Variants in PCDHGC5 observed in about 807,000 individuals in gnomAD.
PCDHGC5 encodes the protein protocadherin gamma subfamily C, 5, also known as protocadherin gamma-C5.
Under a neutral mutation model 59.0 loss-of-function variants are expected in PCDHGC5, and 25 were observed. That is an observed-to-expected ratio of 0.42 (90% CI 0.31 to 0.59). The LOEUF (loss-of-function observed/expected upper bound fraction) is 0.59, where lower values mean the gene tolerates loss of function less well. Among genes scored for constraint, PCDHGC5 ranks in the 20% least tolerant of loss-of-function variants. The probability of loss-of-function intolerance (pLI) is 0.13; values close to 1 mark genes in which losing one functional copy is unlikely to be tolerated. For missense variants in PCDHGC5, 1,067 were observed against 1,206.4 expected (o/e 0.88, Z 1.71); for synonymous variants, 434 against 505.5 (o/e 0.86, Z 1.90).
chr5:141,494,705 G>C, intron 1 of PCDHGC5, 102 bp from the exon 2 acceptor site: 1 of 1,597,990 alleles, frequency 6.3e-7, no homozygotes, highest in Non-Finnish European at 8.6e-7. Flanking sequence ...TTTCTTCTCT[G>C]TGCCCACTCC....
intron 1 of PCDHGC5, among the ~76,000 whole-genome samples, chr5:141,492,798 C>T (rs1219815576): frequency 6.6e-6 from 1 of 152,250 alleles, no homozygotes; most frequent in Non-Finnish European, 1.5e-5. Flanking sequence ...GACAGCAGGA[C>T]TGGGACTCCA....
chr5:141,494,778 C>CA, intron 1 of PCDHGC5, 29 bp from the exon 2 acceptor site: 1 of 1,614,086 alleles, frequency 6.2e-7, no homozygotes, highest in Non-Finnish European at 8.5e-7. Context: ...CACGGGTACT[C>CA]AGCCCCTTTC....
At chr5:141,510,321 CA>C (rs1376271166) in intron 3 of PCDHGC5, among the ~76,000 whole-genome samples, 1 of 150,840 alleles carries the variant, frequency 6.6e-6, no homozygotes, top group Non-Finnish European at 1.5e-5. Context: ...CTTGGAAGAG[CA>C]CTCTTCACCC....
intron 1 of PCDHGC5, 134 bp from the exon 2 acceptor site, chr5:141,494,673 C>G: frequency 4.5e-6 from 7 of 1,542,992 alleles, no homozygotes; most frequent in Non-Finnish European, 6.1e-6. Flanking sequence ...GATGAGTCCA[C>G]CCCTGCCCCC....
chr5:141,505,628 A>C, intron 3 of PCDHGC5, 147 bp downstream of exon 3: 1 of 1,481,752 alleles, frequency 6.7e-7, no homozygotes, highest in Non-Finnish European at 9.0e-7. Flanking sequence ...ACAATTCCAA[A>C]CATAAAGCCT....
chr5:141,490,882 A>G lies in PCDHGC5; in HGVS notation c.1642A>G (p.Thr548Ala), dbSNP rs758716907. ...CGGCTCTCCCCCATTGCATGCCAAC[A>G]CATCTCTGCATGTGTTTGTCCTAGA... ...DSGSPPLHAN[T>A]SLHVFVLDEN... The change falls in exon 1 of 4, where the codon ACA becomes GCA. Residue 548 changes from threonine (T) to alanine (A), a missense_variant. By Grantham distance (58) the Thr-to-Ala change is moderately conservative (BLOSUM62 0). Coordinates refer to ENST00000252087, the MANE Select transcript of PCDHGC5 (RefSeq NM_018929.3). This position sits in a 1 kb window ranked among gnomAD's most constrained non-coding sequence, Gnocchi z 5.4. 6.2e-7 allele frequency: 1 copy of G among 1,613,848 alleles called. No individual in the cohort carries two copies. Among genetic ancestry groups the G allele is most frequent in the Non-Finnish European group, 8.5e-7 (1 of 1,179,920 alleles).
intron 2 of PCDHGC5, among the ~76,000 whole-genome samples, chr5:141,497,126 C>T (rs565697662): frequency 8.2e-4 from 125 of 151,844 alleles, no homozygotes; most frequent in African/African-American, 3.0e-3. Flanking sequence ...GCAGAGGTTG[C>T]AGTGAGCTGA....
At chr5:141,496,329 C>T (rs1435070517) in intron 2 of PCDHGC5, among the ~76,000 whole-genome samples, 2 of 152,186 alleles carry the variant, frequency 1.3e-5, no homozygotes, top group South Asian at 4.1e-4. Context: ...AGTTAGAAGT[C>T]AGGAGCCTGG....
Position 141,490,672 on chromosome 5 carries a change from G to A in PCDHGC5, c.1432G>A (p.Ala478Thr). The part of the protein sequence containing the change: ...PPGSLLCTVA[A>T]SDPDTGDNAR... ...GGGCTCCCTTCTTTGCACTGTGGCT[G>A]CCTCAGATCCAGACACTGGGGATAA... is the stretch of plus-strand genomic sequence containing the variant. The change falls in exon 1 of 4, where the codon GCC becomes ACC. Residue 478 changes from alanine (A) to threonine (T), a missense_variant. Ala to Thr is a moderately conservative substitution (Grantham distance 58). Transcript: ENST00000252087. This position sits in a 1 kb window ranked among gnomAD's most constrained non-coding sequence, Gnocchi z 5.4. 1.2e-6 allele frequency: 2 copies of A among 1,614,114 alleles called. No homozygotes were observed. Among genetic ancestry groups the A allele is most frequent in the Non-Finnish European group, 1.7e-6 (2 of 1,179,996 alleles).
intron 3 of PCDHGC5, among the ~76,000 whole-genome samples, chr5:141,505,782 T>A (rs1163025757): frequency 6.6e-6 from 1 of 152,204 alleles, no homozygotes; most frequent in Non-Finnish European, 1.5e-5. Context: ...CTAGCTCTGC[T>A]ACTATCCTTG....
In PCDHGC5 at chr5:141,491,921, A is replaced by T; in HGVS notation, c.2460+221A>T. ...CCGGGGGTGGTGGCGACTGTGGGCG[A>T]GGGGAGGTGGGACCGACCCCCACCC... On this transcript the variant is annotated intron_variant, in intron 1 of 3. Coordinates refer to ENST00000252087, the MANE Select transcript of PCDHGC5 (RefSeq NM_018929.3). The surrounding 1 kb of genome is among the most constrained non-coding windows in gnomAD (Gnocchi z 6.9). The T allele has an allele frequency of 1.5e-6, 2 of 1,353,738 alleles. No homozygotes were observed. Among genetic ancestry groups the T allele is most frequent in the Non-Finnish European group, 2.0e-6 (2 of 1,013,388 alleles). 83.9% of individuals were successfully genotyped at this position (1,353,738 alleles called of 1,614,324 possible). A position where few individuals can be genotyped will look rare whatever the true frequency, so the allele number is the denominator to read the frequency against.
At chr5:141,505,559 G>A (rs1215110084) in intron 3 of PCDHGC5, 78 bp downstream of exon 3, 27 of 1,604,592 alleles carry the variant, frequency 1.7e-5, no homozygotes, top group Non-Finnish European at 2.0e-5. Flanking sequence ...CCATGCCCAC[G>A]GACTGGATGT....
intron 2 of PCDHGC5, among the ~76,000 whole-genome samples, chr5:141,503,100 G>A (rs563699751): frequency 6.6e-6 from 1 of 151,592 alleles, no homozygotes; most frequent in South Asian, 2.1e-4. Context: ...TGGTCTGCCC[G>A]CCCCTGCCTC....
chr5:141,489,459 C>T lies in PCDHGC5; in HGVS notation c.219C>T (p.Arg73=). The T allele has an allele frequency of 6.2e-7, 1 of 1,614,086 alleles. No homozygotes were observed. The highest frequency in any genetic ancestry group is 8.5e-7 in the Non-Finnish European group (1 of 1,180,012). Residue 73 remains arginine (R), a synonymous_variant, in exon 1 of 4, where the codon CGC becomes CGT. Coordinates refer to ENST00000252087, the MANE Select transcript of PCDHGC5 (RefSeq NM_018929.3). The surrounding 1 kb of genome is among the most constrained non-coding windows in gnomAD (Gnocchi z 4.5). ...RLQLGSEENG[R]YFSLSLMSGA... is the part of the protein sequence containing the mutation. The stretch of plus-strand genomic sequence containing the variant: ...AATTGGGCTCTGAGGAGAATGGGCG[C>T]TATTTTTCCCTGAGCTTGATGAGTG...
rs759647406 is a variant in PCDHGC5 at position 141,493,849 on chromosome 5, A to G, written c.2461-958A>G. Among the ~76,000 whole-genome samples the G allele has an allele frequency of 6.6e-6, 1 of 152,178 alleles. No individual in the cohort carries two copies. The highest frequency in any genetic ancestry group is 1.5e-5 in the Non-Finnish European group (1 of 68,028). ...CTGGGAGCAAGTATGAGTATTAATT[A>G]CCAGCCCACCCCAGAACCAGTGAGG... On this transcript the variant is annotated intron_variant, in intron 1 of 3. Coordinates refer to ENST00000252087, the MANE Select transcript of PCDHGC5 (RefSeq NM_018929.3). The surrounding 1 kb of genome is among the most constrained non-coding windows in gnomAD (Gnocchi z 4.3).
In PCDHGC5 at chr5:141,493,811, A is replaced by T. The variant is rs956872917; in HGVS notation, c.2461-996A>T. Reference sequence around the variant, plus strand: ...CTCCCTGGAGTAATCTGAGATACTCACACTCTCTGCTTCTGGGAGCAAGTA... The same window carrying T: ...CTCCCTGGAGTAATCTGAGATACTCTCACTCTCTGCTTCTGGGAGCAAGTA... On this transcript the variant is annotated intron_variant, in intron 1 of 3. Transcript: ENST00000252087. The surrounding 1 kb of genome is among the most constrained non-coding windows in gnomAD (Gnocchi z 4.3). Among the ~76,000 whole-genome samples the T allele has an allele frequency of 1.3e-5, 2 of 152,154 alleles. No homozygotes were observed. The highest frequency in any genetic ancestry group is 2.9e-5 in the Non-Finnish European group (2 of 68,036).
chr5:141,505,335 A>G, intron 2 of PCDHGC5, 58 bp from the exon 3 acceptor site: 1 of 1,611,086 alleles, frequency 6.2e-7, no homozygotes, highest in Non-Finnish European at 8.5e-7. Flanking sequence ...AGAGGACAGG[A>G]GGGGCATGAG....
Position 141,512,554 on chromosome 5 carries a change from T to TAG in PCDHGC5, c.*1383_*1384dup, listed in dbSNP as rs2099884300. ...AAGTTCCCCAGTGCCTCCTTGTGCA[T>TAG]AGACCTTCTTCTCCCACCCCCTTCT... is the stretch of plus-strand genomic sequence containing the variant. On this transcript the variant is annotated 3_prime_UTR_variant, in exon 4 of 4. Coordinates refer to ENST00000252087, the MANE Select transcript of PCDHGC5 (RefSeq NM_018929.3). 6.5e-6 allele frequency: 1 copy of TAG among 153,012 alleles called. No homozygotes were observed. Among genetic ancestry groups the TAG allele is most frequent in the Non-Finnish European group, 1.5e-5 (1 of 68,482 alleles). 9.5% of individuals were successfully genotyped at this position (153,012 alleles called of 1,614,324 possible).
chr5:141,508,725 G>C (rs1447443196), intron 3 of PCDHGC5, among the ~76,000 whole-genome samples: 1 of 151,788 alleles, frequency 6.6e-6, no homozygotes, highest in Non-Finnish European at 1.5e-5. Flanking sequence ...TGTGCAGGGA[G>C]ACTACACCCC....
Sources: gnomAD v4.1 joint callset for allele counts (sites outside exome capture counted in the v4.1 genomes callset) on GRCh38, gnomAD v4.1.1 for gene constraint, Gnocchi (gnomAD v3.1) non-coding constraint, MANE v1.5 for transcripts, NCBI Gene and HGNC (gene_info 2026-07-23, HGNC 2026-07-21) for gene names.